RPE65: variants seen among roughly 807,000 people sequenced by gnomAD.
RPE65 encodes the protein retinoid isomerohydrolase RPE65.
Under a neutral mutation model 68.5 loss-of-function variants are expected in RPE65, and 58 were observed. The observed-to-expected ratio is 0.85, with a 90% CI of 0.69 to 1.05. The LOEUF (loss-of-function observed/expected upper bound fraction) is 1.05, where lower values mean the gene tolerates loss of function less well. RPE65 is among the 50% of genes least tolerant of loss of function. RPE65 has a pLI of 0.00. For missense variants in RPE65, 643 were observed against 629.9 expected (o/e 1.02, Z -0.22); for synonymous variants, 220 against 222.2 (o/e 0.99, Z 0.09).
Position 68,434,091 on chromosome 1 carries a change from GATATAT to G in RPE65, c.1129-2512_1129-2507del, listed in dbSNP as rs56401732. ...TAGTGGCAAAGTCGAGGGCATGAGG[GATATAT>G]ATATATATATATATATATACACACA... On this transcript the variant is annotated intron_variant, in intron 10 of 13. Coordinates refer to ENST00000262340, the MANE Select transcript of RPE65 (RefSeq NM_000329.3). Among the ~76,000 whole-genome samples the G allele has an allele frequency of 8.1e-3, 1,121 of 138,558 alleles. 10 individuals carry two copies. The highest frequency in any genetic ancestry group is 0.028 in the African/African-American group (1,040 of 36,722). 90.9% of individuals were successfully genotyped at this position (138,558 alleles called of 152,430 possible).
chr1:68,431,185 G>C lies in RPE65; in HGVS notation c.1339-9C>G. 1 of 1,613,136 alleles carries C rather than the reference G, an allele frequency of 6.2e-7. No homozygotes were observed. Among genetic ancestry groups the C allele is most frequent in the South Asian group, 1.1e-5 (1 of 91,046 alleles). On this transcript the variant is annotated splice_polypyrimidine_tract_variant and intron_variant, in intron 12 of 13. Coordinates refer to ENST00000262340, the MANE Select transcript of RPE65 (RefSeq NM_000329.3). Reference sequence around the variant, plus strand: ...ACATTCAGCTTACAGAGCTGTTTGTGAGAAAGAAAAATCAATCAAGCAATC... The same window carrying C: ...ACATTCAGCTTACAGAGCTGTTTGTCAGAAAGAAAAATCAATCAAGCAATC...
intron 3 of RPE65, among the ~76,000 whole-genome samples, chr1:68,446,219 T>C (rs1464064350): frequency 6.6e-6 from 1 of 152,092 alleles, no homozygotes; most frequent in East Asian, 1.9e-4. Context: ...CCCCGACCCC[T>C]TTCCCAGTGG....
Position 68,438,226 on chromosome 1 carries a change from A to G in RPE65, c.1089T>C (p.Pro363=). 6.2e-7 allele frequency: 1 copy of G among 1,613,994 alleles called. No homozygotes were observed. The highest frequency in any genetic ancestry group is 8.5e-7 in the Non-Finnish European group (1 of 1,179,940). Residue 363 remains proline, a synonymous_variant, in exon 10 of 14, where the codon CCT becomes CCC. Coordinates refer to ENST00000262340, the MANE Select transcript of RPE65 (RefSeq NM_000329.3). ...VKKNARKAPQ[P]EVRRYVLPLN... ...AAGGAAGTACATATCTCCTAACTTC[A>G]GGTTGGGGAGCCTTTCTGGCATTTT...
chr1:68,449,479 A>G (rs1645967066), intron 1 of RPE65, among the ~76,000 whole-genome samples: 1 of 152,222 alleles, frequency 6.6e-6, no homozygotes, highest in Non-Finnish European at 1.5e-5. Flanking sequence ...ACATACCATA[A>G]AAAGAACTTT....
chr1:68,438,587 G>A (rs890241924), intron 9 of RPE65, among the ~76,000 whole-genome samples: 1 of 152,146 alleles, frequency 6.6e-6, no homozygotes, highest in Non-Finnish European at 1.5e-5. Context: ...CTTAGGTGCT[G>A]TTGTCTTCTT....
rs764797700 is a variant in RPE65, at chr1:68,438,211, A to C, written c.1104T>G (p.Tyr368Ter). Residue 368 changes from tyrosine (Y) to a stop codon, truncating the protein, a stop_gained, in exon 10 of 14, where the codon TAT becomes TAG. Coordinates refer to ENST00000262340, the MANE Select transcript of RPE65 (RefSeq NM_000329.3). LOFTEE classifies it high-confidence loss of function. Reference sequence around the variant, plus strand: ...CCTTGTCAATATTCAAAGGAAGTACATATCTCCTAACTTCAGGTTGGGGAG... The same window carrying C: ...CCTTGTCAATATTCAAAGGAAGTACCTATCTCCTAACTTCAGGTTGGGGAG... Reference protein sequence around the residue: ...RKAPQPEVRRYVLPLNIDKAD... With the variant: ...RKAPQPEVRR The C allele has an allele frequency of 6.2e-7, 1 of 1,613,996 alleles. No individual in the cohort carries two copies. Among genetic ancestry groups the C allele is most frequent in the Non-Finnish European group, 8.5e-7 (1 of 1,179,938 alleles).
chr1:68,442,711 A>G lies in RPE65; in HGVS notation c.496-1711T>C, dbSNP rs1346425484. ...GCCATACCATAGCTTCTATATTTCT[A>G]ATTAAAATATCATGTAATTGTAATA... On this transcript the variant is annotated intron_variant, in intron 5 of 13. Transcript: ENST00000262340. Among the ~76,000 whole-genome samples the G allele has an allele frequency of 2.6e-5, 4 of 152,218 alleles. No homozygotes were observed. The South Asian group carries it at 8.3e-4, about 31-fold the overall frequency.
At chr1:68,438,903 C>G (rs769844811) in intron 9 of RPE65, 39 bp downstream of exon 9, 2 of 1,612,222 alleles carry the variant, frequency 1.2e-6, no homozygotes, top group Non-Finnish European at 1.7e-6. Context: ...TTTCCAGGAA[C>G]AATGGGAGGT....
Position 68,439,556 on chromosome 1 carries a change from G to A in RPE65, c.725+5C>T, listed in dbSNP as rs923933222. The A allele has an allele frequency of 4.3e-6, 7 of 1,613,658 alleles. No individual in the cohort carries two copies. Among genetic ancestry groups the A allele is most frequent in the Middle Eastern group, 1.6e-4 (1 of 6,062 alleles). The stretch of plus-strand genomic sequence containing the variant: ...CTGAAGATTCATAGCAGGCCTTCAA[G>A]TTACCTATGAACGTAAGATGGCTTG... On this transcript the variant is annotated splice_donor_5th_base_variant and intron_variant, in intron 7 of 13. Transcript: ENST00000262340.
chr1:68,429,035 TA>T lies in RPE65; in HGVS notation c.*740del, dbSNP rs1645801484. 1 of 132,806 alleles carries T rather than the reference TA, an allele frequency of 7.5e-6. No homozygotes were observed. Among genetic ancestry groups the T allele is most frequent in the African/African-American group, 3.1e-5 (1 of 32,780 alleles). The allele number at this position is 132,806 out of a possible 1,614,324, so 8.2% of individuals were successfully genotyped here. ...CTGATTTTAGTAAATATTACATTTT[TA>T]AGCATTTTATGCTGTTTTTTTAAAT... On this transcript the variant is annotated 3_prime_UTR_variant, in exon 14 of 14. Coordinates refer to ENST00000262340, the MANE Select transcript of RPE65 (RefSeq NM_000329.3).
chr1:68,439,121 G>T, intron 8 of RPE65, 40 bp from the exon 9 acceptor site: 2 of 1,613,598 alleles, frequency 1.2e-6, no homozygotes, highest in Non-Finnish European at 1.7e-6. Context: ...ATTTAAAAAG[G>T]AAAAAAGTGT....
intron 10 of RPE65, among the ~76,000 whole-genome samples, chr1:68,436,589 C>T (rs1645864746): frequency 6.6e-6 from 1 of 151,900 alleles, no homozygotes; most frequent in Admixed American, 6.6e-5. Flanking sequence ...TTGCTTCAGC[C>T]TCCTGAGTAG....
rs2182315 is a variant in RPE65 at position 68,429,165 on chromosome 1, C to T, written c.*611G>A. 0.43 allele frequency: 65,187 copies of T among 152,336 alleles called. 15,206 individuals carry two copies. Among genetic ancestry groups the T allele is most frequent in the East Asian group, 0.77 (3,982 of 5,178 alleles). The allele number at this position is 152,336 out of a possible 1,614,324, so 9.4% of individuals were successfully genotyped here. A position where few individuals can be genotyped will look rare whatever the true frequency, so the allele number is the denominator to read the frequency against. The stretch of plus-strand genomic sequence containing the variant: ...TTGAGAGGCCTCAGTTGATTAAACA[C>T]AGATTTTCTTATTATAAAATCAGAA... On this transcript the variant is annotated 3_prime_UTR_variant, in exon 14 of 14. Coordinates refer to ENST00000262340, the MANE Select transcript of RPE65 (RefSeq NM_000329.3).
At chr1:68,438,354 G>A in intron 9 of RPE65, 38 bp from the exon 10 acceptor site, 2 of 1,605,556 alleles carry the variant, frequency 1.2e-6, no homozygotes, top group Non-Finnish European at 1.7e-6. Flanking sequence ...CACAGGCAAT[G>A]ACAAATAATT....
chr1:68,440,769 G>T, intron 6 of RPE65, 84 bp downstream of exon 6: 1 of 1,542,938 alleles, frequency 6.5e-7, no homozygotes, highest in South Asian at 1.1e-5. Context: ...ATGCTATTCT[G>T]ACATTCTTAT....
intron 6 of RPE65, among the ~76,000 whole-genome samples, chr1:68,440,496 A>T (rs1380376031): frequency 6.6e-6 from 1 of 152,240 alleles, no homozygotes; most frequent in East Asian, 1.9e-4. Context: ...GCACACATAC[A>T]TGCTTATTTA....
rs1291463939 is a variant in RPE65 at position 68,438,964 on chromosome 1, C to T, written c.976G>A (p.Val326Met). The T allele has an allele frequency of 1.9e-6, 3 of 1,614,008 alleles. No individual in the cohort carries two copies. Among genetic ancestry groups the T allele is most frequent in the Non-Finnish European group, 2.5e-6 (3 of 1,179,944 alleles). Residue 326 changes from valine to methionine, a missense_variant, in exon 9 of 14, where the codon GTG (valine) becomes ATG (methionine). Transcript: ENST00000262340. Reference sequence around the variant, plus strand: ...TACCCTTTCCAGCAGCAGAGATCCACAATCAGAAACCCATTGTCTTCATAG... The same window carrying T: ...TACCCTTTCCAGCAGCAGAGATCCATAATCAGAAACCCATTGTCTTCATAG... ...NTYEDNGFLI[V>M]DLCCWKGFEF...
rs1276527969 is a variant in RPE65, at chr1:68,438,219, T to C, written c.1096A>G (p.Arg366Gly). ...ATATTCAAAGGAAGTACATATCTCC[T>C]AACTTCAGGTTGGGGAGCCTTTCTG... ...NARKAPQPEV[R>G]RYVLPLNIDK... is the part of the protein sequence containing the mutation. The change falls in exon 10 of 14, where the codon AGG becomes GGG. Residue 366 changes from arginine to glycine, a missense_variant. Transcript: ENST00000262340. The C allele has an allele frequency of 6.2e-7, 1 of 1,613,856 alleles. No homozygotes were observed. The highest frequency in any genetic ancestry group is 8.5e-7 in the Non-Finnish European group (1 of 1,179,794).
intron 7 of RPE65, 89 bp downstream of exon 7, chr1:68,439,471 AT>A (rs1394060003): frequency 1.9e-6 from 3 of 1,565,030 alleles, no homozygotes; most frequent in African/African-American, 1.4e-5. Context: ...CTGCAAAAAA[AT>A]ATTGTGATCA....
Sources: gnomAD v4.1 joint callset for allele counts (sites outside exome capture counted in the v4.1 genomes callset) on GRCh38, gnomAD v4.1.1 for gene constraint, MANE v1.5 for transcripts, NCBI Gene and HGNC (gene_info 2026-07-23, HGNC 2026-07-21) for gene names.